The following PROSER1 variants were observed in gnomAD, a reference collection of about 807,000 sequenced individuals.
PROSER1 encodes the protein proline and serine-rich protein 1.
PROSER1 carries 36 observed loss-of-function variants against 71.8 expected under a neutral mutation model. The ratio of observed to expected loss-of-function variants is 0.50; its 90% CI spans 0.38 to 0.66. PROSER1 has a LOEUF of 0.66. PROSER1 is among the 30% of genes least tolerant of loss of function. The probability of loss-of-function intolerance (pLI) is 0.00; values close to 1 mark genes in which losing one functional copy is unlikely to be tolerated. For synonymous variants in PROSER1, 490 were observed against 452.4 expected, an observed-to-expected ratio of 1.08 and a Z score of -1.06; for missense variants, 1,107 against 1,135.0, an observed-to-expected ratio of 0.98 and a Z score of 0.35.
chr13:39,025,765 C>T (rs1243467568), intron 6 of PROSER1, among the ~76,000 whole-genome samples: 1 of 152,146 alleles, frequency 6.6e-6, no homozygotes, highest in Non-Finnish European at 1.5e-5. Flanking sequence ...AGGTAATAAA[C>T]ATTTATTGCT....
At chr13:39,017,237 G>A (rs753796689) in intron 10 of PROSER1, among the ~76,000 whole-genome samples, 15 of 152,200 alleles carry the variant, frequency 9.9e-5, no homozygotes, top group Admixed American at 3.9e-4. Flanking sequence ...GCAAAGCTAC[G>A]CAGTACTTAC....
chr13:39,014,996 G>A (rs1230992020), intron 10 of PROSER1, among the ~76,000 whole-genome samples: 1 of 151,920 alleles, frequency 6.6e-6, no homozygotes, highest in Non-Finnish European at 1.5e-5. Flanking sequence ...CTGTACAGTT[G>A]CCCCGCCCCA....
rs758599296 is a variant in PROSER1, at chr13:39,022,351, T to C, written c.705A>G (p.Pro235=). ...LANVIAPPPP[P]YTPNPVGTEN... is the part of the protein sequence containing the mutation. ...CTGTTCCTACAGGATTAGGAGTATATGGAGGTGGAGGTGGAGCTATGACAT... is the reference window on the plus strand; with the variant it reads ...CTGTTCCTACAGGATTAGGAGTATACGGAGGTGGAGGTGGAGCTATGACAT... Residue 235 remains proline, a synonymous_variant, in exon 9 of 13, where the codon CCA becomes CCG. Transcript: ENST00000352251. 7 of 1,611,216 alleles carry C rather than the reference T, an allele frequency of 4.3e-6. No individual in the cohort carries two copies. Among genetic ancestry groups the C allele is most frequent in the South Asian group, 3.3e-5 (3 of 91,026 alleles).
chr13:39,012,421 T>C (rs1399972964), intron 11 of PROSER1, 188 bp from the exon 12 acceptor site: 5 of 689,120 alleles, frequency 7.3e-6, no homozygotes, highest in South Asian at 3.9e-5. Flanking sequence ...AAGTATATTA[T>C]TCGAAATTCA....
chr13:39,022,448 A>C, intron 8 of PROSER1, 36 bp from the exon 9 acceptor site: 1 of 1,397,004 alleles, frequency 7.2e-7, no homozygotes, highest in Non-Finnish European at 1.0e-6. Context: ...AATATACCTT[A>C]GGACTGTTCT....
intron 9 of PROSER1, among the ~76,000 whole-genome samples, chr13:39,020,634 A>G (rs1362902834): frequency 6.6e-5 from 10 of 152,220 alleles, no homozygotes; most frequent in Non-Finnish European, 1.5e-4. Context: ...GTTAAAAAAC[A>G]CAAACAAAAA....
rs184386480 is a variant in PROSER1, at chr13:39,037,540, T to G, written c.-298A>C. 15 of 290,732 alleles carry G rather than the reference T, an allele frequency of 5.2e-5. No homozygotes were observed. The East Asian group carries it at 9.6e-4, about 19-fold the overall frequency. The allele number at this position is 290,732 out of a possible 1,614,324, so 18.0% of individuals were successfully genotyped here. A position where few individuals can be genotyped will look rare whatever the true frequency, so the allele number is the denominator to read the frequency against. ...GGCAAGAGCCAGGTCCTCTGAGTTT[T>G]GCAGAAAAACCCGGGCTCGGCGGCA... On this transcript the variant is annotated 5_prime_UTR_variant, in exon 1 of 13. Coordinates refer to ENST00000352251, the MANE Select transcript of PROSER1 (RefSeq NM_025138.5).
At chr13:39,018,988 T>C (rs1002104569) in intron 9 of PROSER1, among the ~76,000 whole-genome samples, 1 of 152,160 alleles carries the variant, frequency 6.6e-6, no homozygotes, top group African/African-American at 2.4e-5. Flanking sequence ...GAAAATTATC[T>C]GGAATTAAAT....
At position 39,028,227 on chromosome 13, in the gene PROSER1, C is replaced by G; in HGVS notation, c.369G>C (p.Gln123His). 1 of 1,517,198 alleles carries G rather than the reference C, an allele frequency of 6.6e-7. No individual in the cohort carries two copies. Among genetic ancestry groups the G allele is most frequent in the Non-Finnish European group, 9.1e-7 (1 of 1,093,816 alleles). 94.0% of individuals were successfully genotyped at this position (1,517,198 alleles called of 1,614,324 possible). ...TACATGACAATCTTTAGAAAACTAC[C>G]TGTTCAAGTATTCTCTTGCACCGTT... is the stretch of plus-strand genomic sequence containing the variant. ...EKKRCKRILE[Q>H]AFKGGCKAPH... Residue 123 changes from glutamine (Q) to histidine (H), a missense_variant and splice_region_variant, in exon 5 of 13, where the codon CAG (glutamine) becomes CAC (histidine). Gln to His is a conservative substitution (Grantham distance 24). Coordinates refer to ENST00000352251, the MANE Select transcript of PROSER1 (RefSeq NM_025138.5).
chr13:39,024,806 T>G (rs1380854902), intron 6 of PROSER1, among the ~76,000 whole-genome samples: 1 of 152,088 alleles, frequency 6.6e-6, no homozygotes, highest in Non-Finnish European at 1.5e-5. Flanking sequence ...ACAGAGAGGA[T>G]GACAGGAAAA....
chr13:39,024,528 T>G lies in PROSER1; in HGVS notation c.509A>C (p.Glu170Ala), dbSNP rs1593535463. The G allele has an allele frequency of 1.9e-6, 3 of 1,606,868 alleles. No individual in the cohort carries two copies. The highest frequency in any genetic ancestry group is 2.6e-6 in the Non-Finnish European group (3 of 1,176,466). The part of the protein sequence containing the change: ...PGTPLKKDGE[E>A]CTNEGKGIAA... ...TATTCCTTTGCCTTCGTTAGTACAT[T>G]CTTCACCATCTTTTTTCAAAGGAGT... Residue 170 changes from glutamate to alanine, a missense_variant, in exon 7 of 13, where the codon GAA (glutamate) becomes GCA (alanine). Coordinates refer to ENST00000352251, the MANE Select transcript of PROSER1 (RefSeq NM_025138.5).
chr13:39,035,160 T>A (rs987671392), intron 1 of PROSER1, among the ~76,000 whole-genome samples: 12 of 152,238 alleles, frequency 7.9e-5, no homozygotes, highest in African/African-American at 2.4e-4. Context: ...GGGTGCTCAG[T>A]AGTTCAATAT....
In PROSER1 at chr13:39,011,309, T is replaced by C. The variant is rs1359188317; in HGVS notation, c.*56A>G. On this transcript the variant is annotated 3_prime_UTR_variant, in exon 13 of 13. Transcript: ENST00000352251. ...GCTTCACATTTGTCAGATTGTTCAT[T>C]GCAGTTCTCAGGCAATTCTGATGTT... The C allele has an allele frequency of 6.3e-7, 1 of 1,578,786 alleles. No homozygotes were observed. The highest frequency in any genetic ancestry group is 8.7e-7 in the Non-Finnish European group (1 of 1,151,644).
chr13:39,029,343 G>T lies in PROSER1; in HGVS notation c.213C>A (p.Val71=). 1.3e-6 allele frequency: 2 copies of T among 1,519,286 alleles called. No individual in the cohort carries two copies. Among genetic ancestry groups the T allele is most frequent in the South Asian group, 1.4e-5 (1 of 71,020 alleles). The allele number at this position is 1,519,286 out of a possible 1,614,324, so 94.1% of individuals were successfully genotyped here. The change falls in exon 4 of 13, where the codon GTC becomes GTA. Residue 71 remains valine (V), a synonymous_variant. Coordinates refer to ENST00000352251, the MANE Select transcript of PROSER1 (RefSeq NM_025138.5). ...KMVAVQPTEV[V]NILNCFTFSK... ...TGAAAGTGAAACAGTTGAGTATATT[G>T]ACCACTTCTGTTGGCTGGACAGCCA...
At chr13:39,029,169 T>G in intron 4 of PROSER1, 112 bp downstream of exon 4, 1 of 602,934 alleles carries the variant, frequency 1.7e-6, no homozygotes, top group Non-Finnish European at 2.8e-6. Context: ...TGTACCACTA[T>G]GCTTTTGACT....
chr13:39,012,199 C>T lies in PROSER1; in HGVS notation c.2596G>A (p.Val866Ile). The T allele has an allele frequency of 1.2e-6, 2 of 1,614,168 alleles. No individual in the cohort carries two copies. Among genetic ancestry groups the T allele is most frequent in the East Asian group, 2.2e-5 (1 of 44,878 alleles). The change falls in exon 12 of 13, where the codon GTT becomes ATT. Residue 866 changes from valine to isoleucine, a missense_variant. Transcript: ENST00000352251. ...GGGAGGGACAAAAGGCCTGGAAAAA[C>T]AGAACTGCCTGCAGCTTGAAGTCCA... Reference protein sequence around the residue: ...SSGLQAAGSSVFPGLLSLPGI... With the variant: ...SSGLQAAGSSIFPGLLSLPGI...
chr13:39,017,690 A>C (rs1207627073), intron 9 of PROSER1, 146 bp from the exon 10 acceptor site: 1 of 561,428 alleles, frequency 1.8e-6, no homozygotes, highest in African/African-American at 1.9e-5. Flanking sequence ...ATGGGAAAAT[A>C]AATAAAAATA....
At position 39,037,309 on chromosome 13, in the gene PROSER1, T is replaced by C; in HGVS notation, c.-67A>G. 2 of 1,147,912 alleles carry C rather than the reference T, an allele frequency of 1.7e-6. No homozygotes were observed. The highest frequency in any genetic ancestry group is 4.7e-5 in the East Asian group (2 of 42,828). The allele number at this position is 1,147,912 out of a possible 1,614,324, so 71.1% of individuals were successfully genotyped here. A position where few individuals can be genotyped will look rare whatever the true frequency, so the allele number is the denominator to read the frequency against. On this transcript the variant is annotated 5_prime_UTR_variant, in exon 1 of 13. Transcript: ENST00000352251. ...AATTAAAAGACGTTCATCCCTGGTC[T>C]GCTCCGCCGATAGTAAAAAATATTT...
chr13:39,017,901 T>G (rs191882311), intron 9 of PROSER1: 1 of 198,286 alleles, frequency 5.0e-6, no homozygotes, highest in Non-Finnish European at 9.9e-6. Context: ...GAGGGTGCCA[T>G]CCAGGAGAAA....
Sources: allele counts gnomAD v4.1 joint callset (sites outside exome capture counted in the v4.1 genomes callset), GRCh38; gene constraint gnomAD v4.1.1; transcripts MANE v1.5; gene names NCBI Gene and HGNC (gene_info 2026-07-23, HGNC 2026-07-21).